The following GNA15 variants were observed in gnomAD, a reference collection of about 807,000 sequenced individuals.
GNA15 encodes the protein guanine nucleotide-binding protein subunit alpha-15.
Under a neutral mutation model 40.1 loss-of-function variants are expected in GNA15, and 23 were observed. That is an observed-to-expected ratio of 0.57 (90% CI 0.41 to 0.81). The LOEUF (loss-of-function observed/expected upper bound fraction) is 0.81. Ranked by LOEUF, GNA15 falls within the 40% of genes least tolerant of loss-of-function variation. The pLI is 0.00. For missense variants in GNA15, 522 were observed against 515.8 expected (o/e 1.01, Z -0.12); for synonymous variants, 226 against 210.4 (o/e 1.07, Z -0.64).
At chr19:3,161,420 C>T (rs143990268) in intron 6 of GNA15, among the ~76,000 whole-genome samples, 21 of 152,324 alleles carry the variant, frequency 1.4e-4, no homozygotes, top group African/African-American at 4.8e-4. Flanking sequence ...GGTCCACAAT[C>T]AGTAAACATA....
In GNA15 at chr19:3,148,977, A is replaced by G. The variant is rs927834296; in HGVS notation, c.330+202A>G. 8.6e-6 allele frequency: 5 copies of G among 582,052 alleles called. No homozygotes were observed. In the Admixed American group the frequency reaches 1.2e-4, roughly 14 times the overall value. The allele number at this position is 582,052 out of a possible 1,614,324, so 36.1% of individuals were successfully genotyped here. A position where few individuals can be genotyped will look rare whatever the true frequency, so the allele number is the denominator to read the frequency against. On this transcript the variant is annotated intron_variant, in intron 2 of 6. Coordinates refer to ENST00000262958, the MANE Select transcript of GNA15 (RefSeq NM_002068.4). ...TACATACAAGTGCACACACAAGTAT[A>G]CACGCATAAATGCACACACGCACAT...
Position 3,142,731 on chromosome 19 carries a change from G to T in GNA15, c.146-5860G>T, listed in dbSNP as rs79223617. Among the ~76,000 whole-genome samples the T allele has an allele frequency of 4.2e-3, 646 of 152,204 alleles. 31 individuals carry two copies. The East Asian group carries it at 0.1, about 24-fold the overall frequency. On this transcript the variant is annotated intron_variant, in intron 1 of 6. Transcript: ENST00000262958. ...TACTAAAAACACAAAAATTAGCCGGGTGTGGTGGTGCACGCCTCTAATCCC... is the reference window on the plus strand; with the variant it reads ...TACTAAAAACACAAAAATTAGCCGGTTGTGGTGGTGCACGCCTCTAATCCC...
chr19:3,145,716 T>A (rs1229909177), intron 1 of GNA15, among the ~76,000 whole-genome samples: 1 of 142,764 alleles, frequency 7.0e-6, no homozygotes, highest in Non-Finnish European at 1.5e-5. Context: ...CCCCGCTAAT[T>A]TTTGTATATT....
intron 1 of GNA15, among the ~76,000 whole-genome samples, chr19:3,138,955 C>CCAGCGACTCTGCCCTGACCTCTT (rs1568291959): frequency 5.3e-5 from 5 of 94,588 alleles, no homozygotes; most frequent in African/African-American, 8.5e-5. Context: ...TTTTTTTTTT[C>CCAGCGACTCTGCCCTGACCTCTT]TTTTTTTTTA....
chr19:3,153,051 G>A (rs1271768562), intron 4 of GNA15, among the ~76,000 whole-genome samples: 1 of 151,978 alleles, frequency 6.6e-6, no homozygotes, highest in Non-Finnish European at 1.5e-5. Context: ...TTGTTCTTTC[G>A]CTCTTCACAA....
At position 3,150,030 on chromosome 19, in the gene GNA15, G is replaced by C. The variant is rs1914838826; in HGVS notation, c.331-101G>C. ...GGGAAGAAGGAGAGCAGTGGGAAGA[G>C]AGCGTGTTTCAGGGAGGGACGTGGG... On this transcript the variant is annotated intron_variant, in intron 2 of 6. Transcript: ENST00000262958. 13 of 948,092 alleles carry C rather than the reference G, an allele frequency of 1.4e-5. No homozygotes were observed. In the Middle Eastern group the frequency reaches 7.5e-4, roughly 55 times the overall value. 58.7% of individuals were successfully genotyped at this position (948,092 alleles called of 1,614,324 possible). A position where few individuals can be genotyped will look rare whatever the true frequency, so the allele number is the denominator to read the frequency against.
chr19:3,147,656 C>T (rs1056284790), intron 1 of GNA15, among the ~76,000 whole-genome samples: 8 of 151,804 alleles, frequency 5.3e-5, no homozygotes, highest in Non-Finnish European at 7.4e-5. Flanking sequence ...CTTGTAATCC[C>T]AGCACTTTGG....
Position 3,163,341 on chromosome 19 carries a change from G to A in GNA15, c.*322G>A, listed in dbSNP as rs758077434. On this transcript the variant is annotated 3_prime_UTR_variant, in exon 7 of 7. Transcript: ENST00000262958. ...TTGGGTGGGTGGGCATCTCTCAGGA[G>A]CCCCATCTCCGGGCGTGTCACCTCC... is the stretch of plus-strand genomic sequence containing the variant. 50 of 394,608 alleles carry A rather than the reference G, an allele frequency of 1.3e-4. No individual in the cohort carries two copies. Among genetic ancestry groups the A allele is most frequent in the Non-Finnish European group, 2.1e-4 (44 of 210,794 alleles). The allele number at this position is 394,608 out of a possible 1,614,324, so 24.4% of individuals were successfully genotyped here.
rs151214875 is a variant in GNA15 at position 3,151,816 on chromosome 19, G to A, written c.595G>A (p.Val199Met). The A allele has an allele frequency of 4.2e-5, 67 of 1,611,470 alleles. 1 individual carries two copies. In the African/African-American group the frequency reaches 5.2e-4, roughly 13 times the overall value. ...TGGCATCAACGAGTACTGCTTCTCC[G>A]TGCAGAAAACCAACCTGCGGTGAGC... ...TTGINEYCFS[V>M]QKTNLRIVDV... is the part of the protein sequence containing the mutation. Residue 199 changes from valine (V) to methionine (M), a missense_variant, in exon 4 of 7, where the codon GTG becomes ATG. Physicochemically the swap from Val to Met is conservative, Grantham distance 21 (BLOSUM62 1). Transcript: ENST00000262958. The surrounding 1 kb of genome is among the most constrained non-coding windows in gnomAD (Gnocchi z 5.0).
rs532728651 is a variant in GNA15 at position 3,137,702 on chromosome 19, A to G, written c.145+1107A>G. Among the ~76,000 whole-genome samples the G allele has an allele frequency of 2.6e-5, 4 of 152,296 alleles. No homozygotes were observed. In the South Asian group the frequency reaches 8.3e-4, roughly 32 times the overall value. ...GAGGCTGAGGCAGGGGAATTGCATGAAACCAGGAGGTGGAGACTGCAGTGA... is the reference window on the plus strand; with the variant it reads ...GAGGCTGAGGCAGGGGAATTGCATGGAACCAGGAGGTGGAGACTGCAGTGA... On this transcript the variant is annotated intron_variant, in intron 1 of 6. Transcript: ENST00000262958.
rs1400750567 is a variant in GNA15 at position 3,150,177 on chromosome 19, C to A, written c.377C>A (p.Thr126Lys). The stretch of plus-strand genomic sequence containing the variant: ...AGCCAGGACCCCTATAAAGTGACCA[C>A]GTTTGAGAAGCGCTACGCTGCGGCC... ...VMSQDPYKVT[T>K]FEKRYAAAMQ... Residue 126 changes from threonine to lysine, a missense_variant, in exon 3 of 7, where the codon ACG becomes AAG. Physicochemically the swap from Thr to Lys is moderately conservative, Grantham distance 78. Coordinates refer to ENST00000262958, the MANE Select transcript of GNA15 (RefSeq NM_002068.4). 1 of 1,613,358 alleles carries A rather than the reference C, an allele frequency of 6.2e-7. No individual in the cohort carries two copies. Among genetic ancestry groups the A allele is most frequent in the African/African-American group, 1.3e-5 (1 of 75,036 alleles).
At chr19:3,143,818 G>C (rs1444126304) in intron 1 of GNA15, among the ~76,000 whole-genome samples, 1 of 151,854 alleles carries the variant, frequency 6.6e-6, no homozygotes, top group African/African-American at 2.4e-5. Flanking sequence ...TGGAAACAGG[G>C]CTAAGAGTTG....
chr19:3,149,085 CCA>C (rs1053936012), intron 2 of GNA15: 3 of 357,596 alleles, frequency 8.4e-6, no homozygotes, highest in East Asian at 5.3e-5. Context: ...ATGCACACAC[CCA>C]CACACATACA....
chr19:3,145,359 A>ATATAT lies in GNA15; in HGVS notation c.146-3231_146-3230insATATT. Among the ~76,000 whole-genome samples the ATATAT allele has an allele frequency of 6.2e-3, 290 of 46,928 alleles. 7 individuals carry two copies. Among genetic ancestry groups the ATATAT allele is most frequent in the East Asian group, 0.032 (63 of 1,970 alleles). The allele number at this position is 46,928 out of a possible 152,430, so 30.8% of individuals were successfully genotyped here. ...TAAATATATATATATATATATATAT[A>ATATAT]TTTTTTTTTTTTTGTAGAGATGGGG... is the stretch of plus-strand genomic sequence containing the variant. On this transcript the variant is annotated intron_variant, in intron 1 of 6. Transcript: ENST00000262958.
At position 3,136,232 on chromosome 19, in the gene GNA15, T is replaced by C. The variant is rs1179611155; in HGVS notation, c.-219T>C. The C allele has an allele frequency of 4.6e-5, 23 of 502,926 alleles. No homozygotes were observed. In the Admixed American group the frequency reaches 7.2e-4, roughly 16 times the overall value. The allele number at this position is 502,926 out of a possible 1,614,324, so 31.2% of individuals were successfully genotyped here. A position where few individuals can be genotyped will look rare whatever the true frequency, so the allele number is the denominator to read the frequency against. On this transcript the variant is annotated 5_prime_UTR_variant, in exon 1 of 7. Transcript: ENST00000262958. The surrounding 1 kb of genome is among the most constrained non-coding windows in gnomAD (Gnocchi z 4.9). ...TCCCCACCTCCTCCCGTCCCCACCC[T>C]GTTCCCAGCACTCAAGCCTTGCCAC...
At chr19:3,156,924 A>G (rs538858510) in intron 5 of GNA15, among the ~76,000 whole-genome samples, 55 of 152,198 alleles carry the variant, frequency 3.6e-4, no homozygotes, top group Non-Finnish European at 6.0e-4. Flanking sequence ...CTGAGGTTCT[A>G]GGGGGTTAGG....
Position 3,151,054 on chromosome 19 carries a change from GGGGGGACCTTGTTCCT to G in GNA15, c.486-646_486-631del, listed in dbSNP as rs1914870668. Among the ~76,000 whole-genome samples, 1 of 151,928 alleles carries G rather than the reference GGGGGGACCTTGTTCCT, an allele frequency of 6.6e-6. No homozygotes were observed. The highest frequency in any genetic ancestry group is 1.5e-5 in the Non-Finnish European group (1 of 67,816). On this transcript the variant is annotated intron_variant, in intron 3 of 6. Transcript: ENST00000262958. The surrounding 1 kb of genome is among the most constrained non-coding windows in gnomAD (Gnocchi z 5.0). ...CTGTTCTTGGAGGGACCCTGTTCCT[GGGGGGACCTTGTTCCT>G]GGGGGAACCCTATTCCTAGAGAACC...
chr19:3,160,537 A>G (rs111299092), intron 6 of GNA15, among the ~76,000 whole-genome samples: 4,325 of 152,276 alleles, frequency 0.028, 85 homozygotes, highest in Middle Eastern at 0.1. Context: ...GCCCGGATTC[A>G]AAAGAAAGAG....
chr19:3,137,239 A>C (rs1394583739), intron 1 of GNA15, among the ~76,000 whole-genome samples: 1 of 152,262 alleles, frequency 6.6e-6, no homozygotes, highest in East Asian at 1.9e-4. Flanking sequence ...CTGTAAACTC[A>C]TAAGCAGATA....
Sources: gnomAD v4.1 joint callset for allele counts (sites outside exome capture counted in the v4.1 genomes callset) on GRCh38, gnomAD v4.1.1 for gene constraint, Gnocchi (gnomAD v3.1) non-coding constraint, MANE v1.5 for transcripts, NCBI Gene and HGNC (gene_info 2026-07-23, HGNC 2026-07-21) for gene names.